The following CDKAL1 variants were observed in gnomAD, a reference collection of about 807,000 sequenced individuals.
CDKAL1 encodes the protein CDKAL1 threonylcarbamoyladenosine tRNA methylthiotransferase.
CDKAL1 carries 32 observed loss-of-function variants against 68.2 expected under a neutral mutation model. The observed-to-expected ratio is 0.47, with a 90% CI of 0.35 to 0.63. CDKAL1 has a LOEUF of 0.63. Among genes scored for constraint, CDKAL1 ranks in the 30% least tolerant of loss-of-function variants. The pLI is 0.00. For synonymous variants in CDKAL1, 234 were observed against 244.3 expected (o/e 0.96, Z 0.39); for missense variants, 606 against 696.7 (o/e 0.87, Z 1.47).
At chr6:20,666,336 G>A (rs1769542675) in intron 5 of CDKAL1, among the ~76,000 whole-genome samples, 1 of 151,070 alleles carries the variant, frequency 6.6e-6, no homozygotes, top group African/African-American at 2.4e-5. Flanking sequence ...TGTTTACTCT[G>A]ATACATTTCT....
intron 9 of CDKAL1, among the ~76,000 whole-genome samples, chr6:20,926,569 G>A (rs1179536671): frequency 6.6e-6 from 1 of 152,080 alleles, no homozygotes; most frequent in South Asian, 2.1e-4. Context: ...AAATATGCAG[G>A]TTGGTTATTG....
intron 11 of CDKAL1, among the ~76,000 whole-genome samples, chr6:21,042,008 C>G (rs1561983386): frequency 6.6e-6 from 1 of 151,958 alleles, no homozygotes. Flanking sequence ...CATTTTGAAT[C>G]TGGTAAATAA....
At chr6:21,003,372 A>ATATATATATATACACC in intron 11 of CDKAL1, among the ~76,000 whole-genome samples, 1 of 34,576 alleles carries the variant, frequency 2.9e-5, no homozygotes, top group African/African-American at 8.2e-5. Flanking sequence ...ATATATATAT[A>ATATATATATATACACC]CACACACACA....
At chr6:21,103,436 A>G (rs971467247) in intron 12 of CDKAL1, among the ~76,000 whole-genome samples, 2 of 92,002 alleles carry the variant, frequency 2.2e-5, no homozygotes, top group African/African-American at 9.3e-5. Flanking sequence ...CTTGAGTATA[A>G]GAAAAAAAAA....
At chr6:20,781,057 A>G in intron 7 of CDKAL1, 88 bp from the exon 8 acceptor site, 1 of 1,298,208 alleles carries the variant, frequency 7.7e-7, no homozygotes, top group Non-Finnish European at 1.1e-6. Flanking sequence ...TCCCGAAAAG[A>G]AGTTAAATGA....
At chr6:21,162,567 C>T (rs114424840) in intron 13 of CDKAL1, among the ~76,000 whole-genome samples, 2,002 of 152,294 alleles carry the variant, frequency 0.013, 39 homozygotes, top group African/African-American at 0.043. Context: ...AGCCACCTGA[C>T]TCAATCAGTC....
intron 4 of CDKAL1, among the ~76,000 whole-genome samples, chr6:20,627,206 TGTC>T (rs1373145023): frequency 6.6e-6 from 1 of 152,142 alleles, no homozygotes; most frequent in Non-Finnish European, 1.5e-5. Context: ...TGTAGCTTGT[TGTC>T]CTCTGGTGAC....
intron 8 of CDKAL1, among the ~76,000 whole-genome samples, chr6:20,790,873 T>C (rs1370453713): frequency 2.0e-5 from 3 of 151,906 alleles, no homozygotes; most frequent in Non-Finnish European, 4.4e-5. Context: ...TGCTGATTGG[T>C]TTGTGAGTAC....
At chr6:21,097,736 T>C (rs1773390058) in intron 12 of CDKAL1, among the ~76,000 whole-genome samples, 1 of 152,134 alleles carries the variant, frequency 6.6e-6, no homozygotes, top group South Asian at 2.1e-4. Flanking sequence ...TTTATGAGAG[T>C]GCAAACATAC....
intron 7 of CDKAL1, 61 bp downstream of exon 7, chr6:20,758,704 C>G: frequency 1.6e-6 from 2 of 1,255,102 alleles, no homozygotes; most frequent in Admixed American, 2.1e-5. Flanking sequence ...AGTAGAAACA[C>G]CACTCAGGTA....
chr6:20,630,876 T>G (rs1243159999), intron 4 of CDKAL1, among the ~76,000 whole-genome samples: 2 of 152,164 alleles, frequency 1.3e-5, no homozygotes, highest in East Asian at 3.8e-4. Flanking sequence ...ACTTAGGTCA[T>G]GGGGTTGTTG....
At chr6:20,940,684 T>A (rs918321055) in intron 9 of CDKAL1, among the ~76,000 whole-genome samples, 3 of 152,208 alleles carry the variant, frequency 2.0e-5, no homozygotes, top group Non-Finnish European at 2.9e-5. Context: ...ACTACAGGCA[T>A]GTACCACTGT....
intron 13 of CDKAL1, among the ~76,000 whole-genome samples, chr6:21,172,130 C>T (rs1422294202): frequency 6.6e-6 from 1 of 152,148 alleles, no homozygotes; most frequent in Non-Finnish European, 1.5e-5. Context: ...TTTTGTTGCT[C>T]ACCTGATACT....
intron 5 of CDKAL1, among the ~76,000 whole-genome samples, chr6:20,711,289 G>A (rs143698417): frequency 3.3e-5 from 5 of 152,094 alleles, no homozygotes; most frequent in African/African-American, 4.8e-5. Flanking sequence ...CCAATATTTC[G>A]AGTATGTCAT....
In CDKAL1 at chr6:20,705,941, T is replaced by C. The variant is rs376787325; in HGVS notation, c.372-33578T>C. On this transcript the variant is annotated intron_variant, in intron 5 of 15. Transcript: ENST00000274695. Reference sequence around the variant, plus strand: ...ATAGCGGGGTTGCTTTATGAGTAGGTCCACTGGTGAGGCAGTTATTGACAT... The same window carrying C: ...ATAGCGGGGTTGCTTTATGAGTAGGCCCACTGGTGAGGCAGTTATTGACAT... Among the ~76,000 whole-genome samples the C allele has an allele frequency of 8.9e-4, 136 of 152,230 alleles. 2 individuals are homozygous for C. The highest frequency in any genetic ancestry group is 3.4e-3 in the Middle Eastern group (1 of 294).
intron 10 of CDKAL1, among the ~76,000 whole-genome samples, chr6:20,973,121 A>G (rs1765674022): frequency 6.6e-6 from 1 of 151,982 alleles, no homozygotes. Flanking sequence ...ATCATTATTT[A>G]GCTTATAATA....
At chr6:20,740,076 C>A (rs1265496202) in intron 6 of CDKAL1, among the ~76,000 whole-genome samples, 2 of 152,144 alleles carry the variant, frequency 1.3e-5, no homozygotes, top group Non-Finnish European at 2.9e-5. Context: ...GTGTAGTCCA[C>A]CATAATTATT....
At chr6:20,702,861 C>T (rs996474596) in intron 5 of CDKAL1, among the ~76,000 whole-genome samples, 2 of 152,206 alleles carry the variant, frequency 1.3e-5, no homozygotes, top group Non-Finnish European at 2.9e-5. Context: ...CCACGCCCTT[C>T]TCTACCCAGC....
intron 4 of CDKAL1, among the ~76,000 whole-genome samples, chr6:20,624,377 T>A (rs995273345): frequency 2.0e-5 from 3 of 152,058 alleles, no homozygotes; most frequent in Non-Finnish European, 4.4e-5. Flanking sequence ...TTTTAAGTTT[T>A]TTCCCCCCTT....
Sources: gnomAD v4.1 joint callset for allele counts (sites outside exome capture counted in the v4.1 genomes callset) on GRCh38, gnomAD v4.1.1 for gene constraint, MANE v1.5 for transcripts, NCBI Gene and HGNC (gene_info 2026-07-23, HGNC 2026-07-21) for gene names.